Variants in TNN observed in about 807,000 individuals in gnomAD.
The protein encoded by TNN is tenascin-N.
Under a neutral mutation model 134.4 loss-of-function variants are expected in TNN, and 122 were observed. The ratio of observed to expected loss-of-function variants is 0.91; its 90% CI spans 0.78 to 1.06. The LOEUF is 1.06. Among genes scored for constraint, TNN ranks in the 50% least tolerant of loss-of-function variants. The pLI is 0.00. For missense variants in TNN, 1,739 were observed against 1,699.4 expected (o/e 1.02, Z -0.41); for synonymous variants, 710 against 670.3 (o/e 1.06, Z -0.91).
chr1:175,103,617 CTT>C (rs1674784526), intron 9 of TNN, among the ~76,000 whole-genome samples: 1 of 144,948 alleles, frequency 6.9e-6, no homozygotes, highest in Non-Finnish European at 1.5e-5. Context: ...TCGACTTCTT[CTT>C]TGTCTTTTCC....
chr1:175,107,485 T>C (rs1674890956), intron 9 of TNN, among the ~76,000 whole-genome samples: 1 of 144,770 alleles, frequency 6.9e-6, no homozygotes, highest in African/African-American at 2.5e-5. Context: ...TTCCTCCCAG[T>C]GGGCTCATGG....
At position 175,100,003 on chromosome 1, in the gene TNN, G is replaced by T. The variant is rs79551738; in HGVS notation, c.2119+1408G>T. Among the ~76,000 whole-genome samples, 765 of 152,296 alleles carry T rather than the reference G, an allele frequency of 5.0e-3. 5 individuals are homozygous for T. Among genetic ancestry groups the T allele is most frequent in the African/African-American group, 0.018 (733 of 41,554 alleles). On this transcript the variant is annotated intron_variant, in intron 9 of 18. Coordinates refer to ENST00000239462, the MANE Select transcript of TNN (RefSeq NM_022093.2). ...ACCTTGCTGTGCTAGGCCCAAGTCT[G>T]GTCCATGGAGAACCTGCATGCATCC...
intron 6 of TNN, among the ~76,000 whole-genome samples, chr1:175,089,955 A>C (rs1478139512): frequency 6.6e-6 from 1 of 152,050 alleles, no homozygotes; most frequent in African/African-American, 2.4e-5. Flanking sequence ...ACCATTGAGA[A>C]CTCCTGTCTC....
intron 13 of TNN, 110 bp downstream of exon 13, chr1:175,127,195 T>C (rs1675552309): frequency 1.5e-6 from 2 of 1,345,338 alleles, no homozygotes; most frequent in African/African-American, 1.5e-5. Context: ...TGATCTTTAC[T>C]GATCACATTG....
At chr1:175,100,700 GTT>G (rs10612090) in intron 9 of TNN, among the ~76,000 whole-genome samples, 31,822 of 150,614 alleles carry the variant, frequency 0.21, 3,547 homozygotes, top group African/African-American at 0.27. Flanking sequence ...AGAAATGCTA[GTT>G]TTTTTTTTTG....
chr1:175,104,175 G>A lies in TNN; in HGVS notation c.2119+5580G>A, dbSNP rs533638225. 2.7e-5 allele frequency among the ~76,000 whole-genome samples: 4 copies of A among 146,138 alleles called. 1 individual carries two copies. Among genetic ancestry groups the A allele is most frequent in the East Asian group, 4.6e-4 (2 of 4,356 alleles). ...ATTACAGGCTGTCCCAGGATTCCTC[G>A]GATGGTAACAGACCTTGAGGACAGT... On this transcript the variant is annotated intron_variant, in intron 9 of 18. Coordinates refer to ENST00000239462, the MANE Select transcript of TNN (RefSeq NM_022093.2).
At chr1:175,108,161 G>A (rs1015987170) in intron 9 of TNN, among the ~76,000 whole-genome samples, 1 of 151,876 alleles carries the variant, frequency 6.6e-6, no homozygotes, top group Admixed American at 6.6e-5. Context: ...GTGTTGATTG[G>A]TGCACTCACA....
intron 15 of TNN, among the ~76,000 whole-genome samples, chr1:175,131,125 T>C (rs966120359): frequency 1.3e-5 from 2 of 152,204 alleles, no homozygotes; most frequent in African/African-American, 4.8e-5. Context: ...CAAAATCCTT[T>C]TATGGTAATT....
intron 9 of TNN, among the ~76,000 whole-genome samples, chr1:175,103,465 ACTGT>A (rs1225031378): frequency 6.9e-6 from 1 of 145,798 alleles, no homozygotes; most frequent in East Asian, 2.3e-4. Flanking sequence ...TTTCTTGCAA[ACTGT>A]CTGAGAGGCA....
chr1:175,101,848 C>T (rs1390181819), intron 9 of TNN, among the ~76,000 whole-genome samples: 2 of 149,628 alleles, frequency 1.3e-5, no homozygotes, highest in Non-Finnish European at 3.0e-5. Context: ...GATTGGTGCA[C>T]TCACAAACCT....
At position 175,097,631 on chromosome 1, in the gene TNN, G is replaced by C; in HGVS notation, c.1803G>C (p.Trp601Cys). 6.2e-7 allele frequency: 1 copy of C among 1,614,188 alleles called. No individual in the cohort carries two copies. Among genetic ancestry groups the C allele is most frequent in the Non-Finnish European group, 8.5e-7 (1 of 1,180,036 alleles). Reference protein sequence around the residue: ...RPGVEYTVHVWAQKGDRESKK... With the variant: ...RPGVEYTVHVCAQKGDRESKK... Reference sequence around the variant, plus strand: ...GTGTGGAGTACACAGTGCATGTCTGGGCCCAGAAGGGGGACCGAGAGAGCA... The same window carrying C: ...GTGTGGAGTACACAGTGCATGTCTGCGCCCAGAAGGGGGACCGAGAGAGCA... Residue 601 changes from tryptophan to cysteine, a missense_variant, in exon 8 of 19, where the codon TGG becomes TGC. Trp to Cys is a radical substitution (Grantham distance 215). Coordinates refer to ENST00000239462, the MANE Select transcript of TNN (RefSeq NM_022093.2).
intron 15 of TNN, among the ~76,000 whole-genome samples, chr1:175,129,477 A>G (rs1220860536): frequency 6.6e-6 from 1 of 151,660 alleles, no homozygotes; most frequent in East Asian, 1.9e-4. Flanking sequence ...CCACTGTCCT[A>G]GAACAGGCTT....
intron 12 of TNN, among the ~76,000 whole-genome samples, chr1:175,126,594 T>C (rs1364923910): frequency 6.6e-6 from 1 of 152,156 alleles, no homozygotes; most frequent in Non-Finnish European, 1.5e-5. Context: ...CTTTCAGATC[T>C]GTGGCCCTCT....
At chr1:175,095,151 AT>A (rs1390084032) in intron 7 of TNN, among the ~76,000 whole-genome samples, 2 of 152,166 alleles carry the variant, frequency 1.3e-5, no homozygotes, top group Non-Finnish European at 2.9e-5. Flanking sequence ...CTCTTGAAAG[AT>A]TTCGTGGTGC....
intron 9 of TNN, among the ~76,000 whole-genome samples, chr1:175,101,964 A>C (rs1274027693): frequency 7.0e-6 from 1 of 142,014 alleles, no homozygotes; most frequent in Non-Finnish European, 1.5e-5. Context: ...AAGGTCCTCC[A>C]CGTCCTCATC....
At chr1:175,127,223 C>A in intron 13 of TNN, 138 bp downstream of exon 13, 1 of 1,085,996 alleles carries the variant, frequency 9.2e-7, no homozygotes, top group Non-Finnish European at 1.3e-6. Context: ...TACATCTGCC[C>A]CGGGTTATTT....
At chr1:175,098,689 A>C in intron 9 of TNN, 94 bp downstream of exon 9, 1 of 1,561,406 alleles carries the variant, frequency 6.4e-7, no homozygotes, top group Non-Finnish European at 8.7e-7. Flanking sequence ...GGGGGACTTT[A>C]TGGAAGAGCA....
Position 175,123,664 on chromosome 1 carries a change from G to C in TNN, c.2914+1G>C. The C allele has an allele frequency of 6.2e-7, 1 of 1,614,148 alleles. No homozygotes were observed. The highest frequency in any genetic ancestry group is 1.7e-4 in the Middle Eastern group (1 of 6,058). On this transcript the variant is annotated splice_donor_variant, in intron 12 of 18. Transcript: ENST00000239462. LOFTEE classifies it high-confidence loss of function. ...AAGGCTGACACCAAGGCCCAGACAGGTACTGAGAGGGACCAGGCCAGGGGA... is the reference window on the plus strand; with the variant it reads ...AAGGCTGACACCAAGGCCCAGACAGCTACTGAGAGGGACCAGGCCAGGGGA...
At position 175,105,140 on chromosome 1, in the gene TNN, G is replaced by A. The variant is rs530259227; in HGVS notation, c.2119+6545G>A. On this transcript the variant is annotated intron_variant, in intron 9 of 18. Coordinates refer to ENST00000239462, the MANE Select transcript of TNN (RefSeq NM_022093.2). The stretch of plus-strand genomic sequence containing the variant: ...TAAAGCCGCATTCTTTTCATTAAAG[G>A]CCAGGGTTTGATCTAACAGTAGCAT... Among the ~76,000 whole-genome samples, 5 of 145,946 alleles carry A rather than the reference G, an allele frequency of 3.4e-5. 2 individuals are homozygous for A. Among genetic ancestry groups the A allele is most frequent in the Non-Finnish European group, 7.6e-5 (5 of 65,842 alleles).
Sources: gnomAD v4.1 joint callset for allele counts (sites outside exome capture counted in the v4.1 genomes callset) on GRCh38, gnomAD v4.1.1 for gene constraint, MANE v1.5 for transcripts, NCBI Gene and HGNC (gene_info 2026-07-23, HGNC 2026-07-21) for gene names.